The following SMC2 variants were observed in gnomAD, a reference collection of about 807,000 sequenced individuals.
SMC2 encodes the protein structural maintenance of chromosomes protein 2.
A neutral mutation model predicts 142.6 loss-of-function variants in SMC2; 41 were observed. That is an observed-to-expected ratio of 0.29 (90% CI 0.22 to 0.37). The LOEUF is 0.37. SMC2 is among the 10% of genes least tolerant of loss of function. The pLI is 1.00. For synonymous variants in SMC2, 463 were observed against 457.5 expected (o/e 1.01, Z -0.15); for missense variants, 1,265 against 1,373.7 (o/e 0.92, Z 1.25).
At chr9:104,108,567 G>T (rs563767624) in intron 9 of SMC2, among the ~76,000 whole-genome samples, 1 of 152,076 alleles carries the variant, frequency 6.6e-6, no homozygotes, top group Non-Finnish European at 1.5e-5. Flanking sequence ...GCTCTCTGGC[G>T]CTGGGAATGA....
At chr9:104,119,360 C>CTTA (rs1462933779) in intron 15 of SMC2, among the ~76,000 whole-genome samples, 1 of 152,122 alleles carries the variant, frequency 6.6e-6, no homozygotes, top group African/African-American at 2.4e-5. Flanking sequence ...TTTAATTGAC[C>CTTA]TTAGCATTCT....
intron 24 of SMC2, among the ~76,000 whole-genome samples, chr9:104,138,636 G>A (rs1158168090): frequency 1.3e-5 from 2 of 152,140 alleles, no homozygotes; most frequent in Non-Finnish European, 2.9e-5. Flanking sequence ...GTAGGAGCTG[G>A]GGCTGCCAAA....
At chr9:104,130,545 G>A (rs901494869) in intron 21 of SMC2, among the ~76,000 whole-genome samples, 8 of 152,000 alleles carry the variant, frequency 5.3e-5, no homozygotes, top group Non-Finnish European at 7.4e-5. Flanking sequence ...AGAAATCTGC[G>A]ACACTGATAA....
intron 9 of SMC2, among the ~76,000 whole-genome samples, chr9:104,110,026 A>C (rs751000902): frequency 1.3e-5 from 2 of 152,224 alleles, no homozygotes; most frequent in Non-Finnish European, 2.9e-5. Flanking sequence ...GGTGAGCTCA[A>C]GTAAACTCAG....
At chr9:104,092,069 C>T (rs1466278828), upstream of SMC2, 2 of 152,238 alleles carry the variant, frequency 1.3e-5, no homozygotes, top group Admixed American at 1.3e-4. Context: ...TGGCTTTGTG[C>T]CTTGGTTTTT....
upstream of SMC2, among the ~76,000 whole-genome samples, chr9:104,091,406 C>A (rs199956490): frequency 5.4e-5 from 3 of 56,002 alleles, no homozygotes; most frequent in African/African-American, 1.9e-4. Context: ...CAGGAATTAT[C>A]CATTATAATC....
chr9:104,123,412 G>A (rs1018847903), intron 17 of SMC2, among the ~76,000 whole-genome samples, 180 bp downstream of exon 17: 1 of 152,074 alleles, frequency 6.6e-6, no homozygotes, highest in Non-Finnish European at 1.5e-5. Context: ...ATTGTATATC[G>A]TCAAAGGTCT....
chr9:104,125,049 G>C lies in SMC2; in HGVS notation c.2395G>C (p.Asp799His), dbSNP rs750542706. 2.1e-5 allele frequency: 33 copies of C among 1,602,214 alleles called. No homozygotes were observed. Among genetic ancestry groups the C allele is most frequent in the African/African-American group, 2.7e-5 (2 of 73,698 alleles). ...ACTGAAAGATGCTCAGAAAAAACTGGATTGTGCCAAAACAAAGGCAGATGC... is the reference window on the plus strand; with the variant it reads ...ACTGAAAGATGCTCAGAAAAAACTGCATTGTGCCAAAACAAAGGCAGATGC... The part of the protein sequence containing the change: ...RELKDAQKKL[D>H]CAKTKADASS... The change falls in exon 18 of 25, where the codon GAT becomes CAT. Residue 799 changes from aspartate (D) to histidine (H), a missense_variant. Around this residue, in one of 4 missense-constraint regions of SMC2, gnomAD observed 898 missense variants for 904.2 expected, o/e 0.99. Coordinates refer to ENST00000374793, the MANE Select transcript of SMC2 (RefSeq NM_006444.3).
intron 9 of SMC2, among the ~76,000 whole-genome samples, chr9:104,109,079 G>C (rs1832135862): frequency 6.6e-6 from 1 of 152,136 alleles, no homozygotes; most frequent in African/African-American, 2.4e-5. Context: ...GGGAGAACAA[G>C]GTTAGTCTAA....
chr9:104,095,437 C>G lies in SMC2; in HGVS notation c.53C>G (p.Thr18Ser). 6.2e-7 allele frequency: 1 copy of G among 1,613,800 alleles called. No individual in the cohort carries two copies. Among genetic ancestry groups the G allele is most frequent in the East Asian group, 2.2e-5 (1 of 44,868 alleles). Residue 18 changes from threonine (T) to serine (S), a missense_variant, in exon 2 of 25, where the codon ACC becomes AGC. Thr to Ser is a moderately conservative substitution (Grantham distance 58). This residue lies in a region of SMC2 where 168 missense variants were observed against 184.8 expected (regional missense o/e 0.91). Transcript: ENST00000374793. Reference protein sequence around the residue: ...LEGFKSYAQRTEVNGFDPLFN... With the variant: ...LEGFKSYAQRSEVNGFDPLFN... ...GGATTCAAGTCCTATGCTCAGAGGA[C>G]CGAAGTCAATGGTTTTGACCCCCTC... is the stretch of plus-strand genomic sequence containing the variant.
rs1290773496 is a variant in SMC2, at chr9:104,139,613, T to A, written c.*298T>A. The A allele has an allele frequency of 3.4e-5, 7 of 205,086 alleles. No individual in the cohort carries two copies. The highest frequency in any genetic ancestry group is 6.7e-5 in the Non-Finnish European group (7 of 104,146). 12.7% of individuals were successfully genotyped at this position (205,086 alleles called of 1,614,324 possible). On this transcript the variant is annotated 3_prime_UTR_variant, in exon 25 of 25. Transcript: ENST00000374793. ...GATACCCGATTCTATATGTAAAAGCTAATATACAAAAAAGCAGATTAAATT... is the reference window on the plus strand; with the variant it reads ...GATACCCGATTCTATATGTAAAAGCAAATATACAAAAAAGCAGATTAAATT...
At chr9:104,116,085 C>CTTGA (rs2131414551) in intron 13 of SMC2, 115 bp from the exon 14 acceptor site, 2 of 874,794 alleles carry the variant, frequency 2.3e-6, no homozygotes, top group East Asian at 5.8e-5. Flanking sequence ...GTAATTATAA[C>CTTGA]TTGATTGGGA....
chr9:104,116,365 G>T lies in SMC2; in HGVS notation c.1791+46G>T, dbSNP rs760381254. The T allele has an allele frequency of 6.6e-6, 10 of 1,516,608 alleles. No homozygotes were observed. The African/African-American group carries it at 8.5e-5, about 13-fold the overall frequency. 93.9% of individuals were successfully genotyped at this position (1,516,608 alleles called of 1,614,324 possible). ...TTTATATGTTTAATCGTCATCTGTGGTTTTTTTAAGTTAGAAGACATTAAT... is the reference window on the plus strand; with the variant it reads ...TTTATATGTTTAATCGTCATCTGTGTTTTTTTTAAGTTAGAAGACATTAAT... On this transcript the variant is annotated intron_variant, in intron 14 of 24. Transcript: ENST00000374793.
Position 104,094,698 on chromosome 9 carries a change from TA to T in SMC2, c.-62+225del, listed in dbSNP as rs1564060860. 4 of 350,966 alleles carry T rather than the reference TA, an allele frequency of 1.1e-5. No individual in the cohort carries two copies. In the East Asian group the frequency reaches 1.6e-4, roughly 14 times the overall value. 21.7% of individuals were successfully genotyped at this position (350,966 alleles called of 1,614,324 possible). A position where few individuals can be genotyped will look rare whatever the true frequency, so the allele number is the denominator to read the frequency against. On this transcript the variant is annotated intron_variant, in intron 1 of 24. Coordinates refer to ENST00000374793, the MANE Select transcript of SMC2 (RefSeq NM_006444.3). ...TGGAGAAGCGAGGTAAAAGCCTGAG[TA>T]AAAGCAAGAAGTTGGAGAATATGAG...
intron 7 of SMC2, 40 bp from the exon 8 acceptor site, chr9:104,101,920 A>G (rs537708501): frequency 2.4e-6 from 3 of 1,273,320 alleles, no homozygotes; most frequent in Non-Finnish European, 3.3e-6. Context: ...TTTTTTTAAT[A>G]CAATTTTGAG....
At position 104,123,174 on chromosome 9, in the gene SMC2, C is replaced by T; in HGVS notation, c.2199C>T (p.Leu733=). The T allele has an allele frequency of 6.2e-7, 1 of 1,611,886 alleles. No homozygotes were observed. Among genetic ancestry groups the T allele is most frequent in the Non-Finnish European group, 8.5e-7 (1 of 1,178,932 alleles). ...AGGCAGATTTATTACAAACCAAGCT[C>T]CAGCAAAGCTCATATCACAAGCAAC... is the stretch of plus-strand genomic sequence containing the variant. ...TEEADLLQTK[L]QQSSYHKQQE... Residue 733 remains leucine, a synonymous_variant, in exon 17 of 25, where the codon CTC becomes CTT. Transcript: ENST00000374793.
chr9:104,100,493 C>A, intron 7 of SMC2, 60 bp downstream of exon 7: 1 of 1,090,936 alleles, frequency 9.2e-7, no homozygotes, highest in Non-Finnish European at 1.4e-6. Context: ...AGCAATGTAT[C>A]CAAAATCATA....
chr9:104,094,916 T>A (rs1587874678), intron 1 of SMC2: 1 of 164,088 alleles, frequency 6.1e-6, no homozygotes, highest in African/African-American at 2.4e-5. Context: ...AGAGGTGACA[T>A]AGGGAGGTCA....
intron 14 of SMC2, 33 bp downstream of exon 14, chr9:104,116,352 A>G (rs1174032377): frequency 2.6e-6 from 4 of 1,563,480 alleles, no homozygotes; most frequent in South Asian, 1.2e-5. Context: ...TATATGTTTA[A>G]TCGTCATCTG....
Sources: gnomAD v4.1 joint callset for allele counts (sites outside exome capture counted in the v4.1 genomes callset) on GRCh38, gnomAD v4.1.1 for gene constraint, gnomAD v4.1.1 regional missense constraint, MANE v1.5 for transcripts, NCBI Gene and HGNC (gene_info 2026-07-23, HGNC 2026-07-21) for gene names.